LAMC3: variants seen among roughly 807,000 people sequenced by gnomAD.
LAMC3 encodes the protein laminin subunit gamma-3.
A neutral mutation model predicts 173.8 loss-of-function variants in LAMC3; 128 were observed. That is an observed-to-expected ratio of 0.74 (90% CI 0.64 to 0.85). The LOEUF (loss-of-function observed/expected upper bound fraction) is 0.85. Ranked by LOEUF, LAMC3 falls within the 40% of genes least tolerant of loss-of-function variation. LAMC3 has a pLI of 0.00. For synonymous variants in LAMC3, 897 were observed against 909.1 expected, an observed-to-expected ratio of 0.99 and a Z score of 0.24; for missense variants, 2,022 against 2,156.0, an observed-to-expected ratio of 0.94 and a Z score of 1.23.
At chr9:131,019,619 A>G (rs1000794504) in intron 1 of LAMC3, among the ~76,000 whole-genome samples, 4 of 152,192 alleles carry the variant, frequency 2.6e-5, no homozygotes, top group African/African-American at 9.7e-5. Context: ...CTCACACTGT[A>G]TGGCTGAGAT....
intron 27 of LAMC3, among the ~76,000 whole-genome samples, chr9:131,088,486 G>A (rs1037736778): frequency 1.3e-5 from 2 of 152,190 alleles, no homozygotes; most frequent in African/African-American, 4.8e-5. Context: ...AGGCACGAAG[G>A]TTGCAGAGGC....
intron 1 of LAMC3, among the ~76,000 whole-genome samples, chr9:131,012,320 G>C (rs1389419128): frequency 2.0e-5 from 3 of 152,150 alleles, no homozygotes; most frequent in Admixed American, 2.0e-4. Flanking sequence ...GGCAAGCGGA[G>C]TCCCCTCTCT....
At chr9:131,037,479 C>T (rs1477281812) in intron 4 of LAMC3, among the ~76,000 whole-genome samples, 2 of 152,230 alleles carry the variant, frequency 1.3e-5, no homozygotes, top group Non-Finnish European at 2.9e-5. Context: ...CCTGCTCTCC[C>T]TGTTCCCAGC....
intron 24 of LAMC3, among the ~76,000 whole-genome samples, chr9:131,084,392 G>A (rs948858065): frequency 1.3e-5 from 2 of 151,786 alleles, no homozygotes; most frequent in Admixed American, 6.6e-5. Context: ...TTGTCTTTTT[G>A]TAGAGATGAG....
In LAMC3 at chr9:131,009,375, GCGGCAGCCCGCC is replaced by G. The variant is rs1318247035; in HGVS notation, c.164_175del (p.Gly55_Pro58del). 8 of 1,526,110 alleles carry G rather than the reference GCGGCAGCCCGCC, an allele frequency of 5.2e-6. No individual in the cohort carries two copies. The East Asian group carries it at 1.8e-4, about 34-fold the overall frequency. 94.5% of individuals were successfully genotyped at this position (1,526,110 alleles called of 1,614,324 possible). On this transcript the variant is annotated inframe_deletion, in exon 1 of 28. Coordinates refer to ENST00000361069, the MANE Select transcript of LAMC3 (RefSeq NM_006059.4). This position sits in a 1 kb window ranked among gnomAD's most constrained non-coding sequence, Gnocchi z 4.3. Reference sequence around the variant, plus strand: ...CGGCTCGCCCAGGCCTCGCACACGTGCGGCAGCCCGCCCGAGGACTTCTGTCCCCACGTGGGC... The same window carrying G: ...CGGCTCGCCCAGGCCTCGCACACGTGCGAGGACTTCTGTCCCCACGTGGGC...
At chr9:131,061,836 G>A (rs1050248195) in intron 13 of LAMC3, among the ~76,000 whole-genome samples, 4 of 151,802 alleles carry the variant, frequency 2.6e-5, no homozygotes, top group African/African-American at 2.4e-5. Context: ...CATCACTTCC[G>A]TCCAGGAGTT....
Position 131,057,136 on chromosome 9 carries a change from A to G in LAMC3, c.2147A>G (p.Asp716Gly). 6.2e-7 allele frequency: 1 copy of G among 1,613,280 alleles called. No individual in the cohort carries two copies. Among genetic ancestry groups the G allele is most frequent in the South Asian group, 1.1e-5 (1 of 91,064 alleles). Residue 716 changes from aspartate (D) to glycine (G), a missense_variant, in exon 12 of 28, where the codon GAC becomes GGC. Coordinates refer to ENST00000361069, the MANE Select transcript of LAMC3 (RefSeq NM_006059.4). ...PCTCNQHGTC[D>G]PNTGICVCSH... ...ACCTGTAACCAGCATGGCACCTGTG[A>G]CCCCAACACAGGTGAGTCTCCTGGC...
Position 131,056,946 on chromosome 9 carries a change from G to A in LAMC3, c.1957G>A (p.Glu653Lys), listed in dbSNP as rs761393082. 1 of 1,613,000 alleles carries A rather than the reference G, an allele frequency of 6.2e-7. No homozygotes were observed. Among genetic ancestry groups the A allele is most frequent in the Non-Finnish European group, 8.5e-7 (1 of 1,180,030 alleles). The change falls in exon 12 of 28, where the codon GAG (glutamate) becomes AAG (lysine). Residue 653 changes from glutamate to lysine, a missense_variant. Transcript: ENST00000361069. ...CTCTGCAGGTCCAGTGTTCCTGACT[G>A]AGGTCCGGCTCACATCCGCCCGGCC... The part of the protein sequence containing the change: ...PSPAGPVFLT[E>K]VRLTSARPGL...
intron 6 of LAMC3, 104 bp downstream of exon 6, chr9:131,039,352 G>A: frequency 1.1e-6 from 1 of 951,896 alleles, no homozygotes. Context: ...CTTCCTGTCT[G>A]CAGCTACCTC....
intron 11 of LAMC3, 97 bp downstream of exon 11, chr9:131,053,062 G>A: frequency 1.1e-6 from 1 of 930,588 alleles, no homozygotes; most frequent in South Asian, 1.4e-5. Flanking sequence ...GGGCCTTGCG[G>A]CCGGGTGGTT....
rs149764274 is a variant in LAMC3, at chr9:131,015,483, A to C, written c.373+5896A>C. ...TGCCCTGGCTTTGCTTATTTGAATC[A>C]TAGTCGACATCCAGGACTCCACCTG... On this transcript the variant is annotated intron_variant, in intron 1 of 27. Coordinates refer to ENST00000361069, the MANE Select transcript of LAMC3 (RefSeq NM_006059.4). Among the ~76,000 whole-genome samples the C allele has an allele frequency of 2.6e-5, 4 of 152,090 alleles. No homozygotes were observed. The East Asian group carries it at 7.7e-4, about 29-fold the overall frequency.
Position 131,022,873 on chromosome 9 carries a change from C to T in LAMC3, c.374-3412C>T, listed in dbSNP as rs1234788768. The stretch of plus-strand genomic sequence containing the variant: ...GATGACAGGTGTGAGCCACTAAGCC[C>T]GGCTTGGAACACCTTTATTACCCTG... On this transcript the variant is annotated intron_variant, in intron 1 of 27. Transcript: ENST00000361069. 5.3e-5 allele frequency among the ~76,000 whole-genome samples: 8 copies of T among 152,222 alleles called. No individual in the cohort carries two copies. The South Asian group carries it at 8.3e-4, about 16-fold the overall frequency.
rs766091947 is a variant in LAMC3, at chr9:131,026,497, G to A, written c.586G>A (p.Asp196Asn). The A allele has an allele frequency of 6.8e-6, 11 of 1,613,186 alleles. 1 individual carries two copies. The South Asian group carries it at 7.7e-5, about 11-fold the overall frequency. The part of the protein sequence containing the change: ...RVAFCTSEFS[D>N]ISPLSGGNVA... Reference sequence around the variant, plus strand: ...GGCCTTCTGCACCTCTGAGTTCAGCGACATCTCCCCGCTGAGTGGCGGCAA... The same window carrying A: ...GGCCTTCTGCACCTCTGAGTTCAGCAACATCTCCCCGCTGAGTGGCGGCAA... The change falls in exon 2 of 28, where the codon GAC becomes AAC. Residue 196 changes from aspartate to asparagine, a missense_variant. Transcript: ENST00000361069. The surrounding 1 kb of genome is among the most constrained non-coding windows in gnomAD (Gnocchi z 4.8).
chr9:131,083,001 C>G (rs1309909930), intron 24 of LAMC3, among the ~76,000 whole-genome samples: 2 of 152,248 alleles, frequency 1.3e-5, no homozygotes, highest in East Asian at 3.8e-4. Context: ...GTCCTAGTCA[C>G]CCATCGTTTG....
intron 9 of LAMC3, among the ~76,000 whole-genome samples, chr9:131,051,643 G>A (rs1201683820): frequency 1.3e-5 from 2 of 152,162 alleles, no homozygotes; most frequent in South Asian, 2.1e-4. Context: ...GATTACAGGC[G>A]TGAGCCACAA....
chr9:131,050,075 T>C (rs1834251926), intron 9 of LAMC3, among the ~76,000 whole-genome samples: 1 of 152,188 alleles, frequency 6.6e-6, no homozygotes, highest in African/African-American at 2.4e-5. Flanking sequence ...GGGCCCCTCG[T>C]GGGGCAGGCG....
At chr9:131,082,001 GC>G in intron 23 of LAMC3, 57 bp from the exon 24 acceptor site, 1 of 1,355,026 alleles carries the variant, frequency 7.4e-7, no homozygotes. Flanking sequence ...CCACTGAGCT[GC>G]CCCTGGGCCC....
rs749724991 is a variant in LAMC3, at chr9:131,052,478, C to T, written c.1631-13C>T. ...ATATGAAGACTGTCAAAGCCTTCTTCTCTTGTCTTCAGAGAAGTTCCTGGG... is the reference window on the plus strand; with the variant it reads ...ATATGAAGACTGTCAAAGCCTTCTTTTCTTGTCTTCAGAGAAGTTCCTGGG... On this transcript the variant is annotated splice_polypyrimidine_tract_variant and intron_variant, in intron 9 of 27. Coordinates refer to ENST00000361069, the MANE Select transcript of LAMC3 (RefSeq NM_006059.4). The T allele has an allele frequency of 6.2e-7, 1 of 1,610,506 alleles. No individual in the cohort carries two copies.
intron 7 of LAMC3, among the ~76,000 whole-genome samples, chr9:131,042,099 G>C (rs1055744241): frequency 1.8e-4 from 27 of 152,108 alleles, no homozygotes; most frequent in Non-Finnish European, 1.9e-4. Context: ...ATCGCTAATG[G>C]AGCACTATCA....
Sources: allele counts gnomAD v4.1 joint callset (sites outside exome capture counted in the v4.1 genomes callset), GRCh38; gene constraint gnomAD v4.1.1; non-coding constraint Gnocchi (gnomAD v3.1); transcripts MANE v1.5; gene names NCBI Gene and HGNC (gene_info 2026-07-23, HGNC 2026-07-21).